Variants in POLR3B observed in about 807,000 individuals in gnomAD.
The protein encoded by POLR3B is RNA polymerase III subunit B.
A neutral mutation model predicts 147.4 loss-of-function variants in POLR3B; 96 were observed. The observed-to-expected ratio is 0.65, with a 90% CI of 0.55 to 0.77. The LOEUF (loss-of-function observed/expected upper bound fraction) is 0.77, where lower values mean the gene tolerates loss of function less well. Ranked by LOEUF, POLR3B falls within the 30% of genes least tolerant of loss-of-function variation. The pLI is 0.00. For synonymous variants in POLR3B, 461 were observed against 485.9 expected, an observed-to-expected ratio of 0.95 and a Z score of 0.67; for missense variants, 1,036 against 1,413.5, an observed-to-expected ratio of 0.73 and a Z score of 4.28.
chr12:106,450,737 T>C (rs2037784440), intron 19 of POLR3B, among the ~76,000 whole-genome samples: 1 of 152,170 alleles, frequency 6.6e-6, no homozygotes, highest in African/African-American at 2.4e-5. Context: ...GCTCATATAC[T>C]GCTGGTGGAA....
At chr12:106,390,329 A>G (rs1396355568) in intron 9 of POLR3B, among the ~76,000 whole-genome samples, 1 of 151,728 alleles carries the variant, frequency 6.6e-6, no homozygotes, top group Non-Finnish European at 1.5e-5. Context: ...ATTAGGGAAA[A>G]TTAACCTGTA....
intron 9 of POLR3B, among the ~76,000 whole-genome samples, chr12:106,382,881 TTGAC>T (rs1272586405): frequency 1.3e-5 from 2 of 152,230 alleles, no homozygotes; most frequent in Non-Finnish European, 2.9e-5. Flanking sequence ...AAGCCAGGCA[TTGAC>T]TTCTCCAGCT....
chr12:106,440,266 A>C (rs2037632538), intron 18 of POLR3B, among the ~76,000 whole-genome samples: 1 of 151,850 alleles, frequency 6.6e-6, no homozygotes, highest in Admixed American at 6.6e-5. Context: ...CTTTTTCACT[A>C]CCTCAATCCA....
intron 9 of POLR3B, among the ~76,000 whole-genome samples, chr12:106,386,175 A>G (rs1423438411): frequency 6.6e-6 from 1 of 152,020 alleles, no homozygotes; most frequent in African/African-American, 2.4e-5. Context: ...GTGAGAAGCC[A>G]TCTCTGCTAA....
chr12:106,464,263 CACTG>C (rs1208954752), intron 23 of POLR3B, among the ~76,000 whole-genome samples: 1 of 152,166 alleles, frequency 6.6e-6, no homozygotes, highest in Non-Finnish European at 1.5e-5. Flanking sequence ...AAGAAACACG[CACTG>C]TATCACTGTT....
chr12:106,378,736 A>T (rs541352147), intron 8 of POLR3B, among the ~76,000 whole-genome samples: 5 of 152,096 alleles, frequency 3.3e-5, no homozygotes, highest in Non-Finnish European at 5.9e-5. Context: ...TACCATTTAC[A>T]TGTGTATTCC....
At chr12:106,432,682 A>G (rs1319562022) in intron 15 of POLR3B, among the ~76,000 whole-genome samples, 2 of 152,228 alleles carry the variant, frequency 1.3e-5, no homozygotes, top group African/African-American at 2.4e-5. Context: ...GGATATAGCT[A>G]TCAGAGCTAA....
At chr12:106,398,484 A>G (rs1259679679) in intron 10 of POLR3B, among the ~76,000 whole-genome samples, 3 of 152,202 alleles carry the variant, frequency 2.0e-5, no homozygotes, top group African/African-American at 7.2e-5. Context: ...TGAAGAGAGT[A>G]GTGGTTCTCC....
intron 1 of POLR3B, among the ~76,000 whole-genome samples, chr12:106,359,553 A>T (rs548502048): frequency 1.2e-4 from 18 of 151,970 alleles, no homozygotes; most frequent in Non-Finnish European, 2.6e-4. Context: ...GCTGGTCTCG[A>T]ACTCCTGACC....
At chr12:106,438,436 GATATATCC>G (rs1051017656) in intron 18 of POLR3B, among the ~76,000 whole-genome samples, 11 of 151,274 alleles carry the variant, frequency 7.3e-5, no homozygotes, top group Middle Eastern at 3.5e-3. Context: ...CTCATAGAAA[GATATATCC>G]ATATATCCAT....
chr12:106,390,980 T>TA (rs1167161199), intron 9 of POLR3B, among the ~76,000 whole-genome samples: 2 of 152,166 alleles, frequency 1.3e-5, no homozygotes, highest in East Asian at 3.9e-4. Context: ...CCTGAGGCTG[T>TA]AGAGCACTAT....
intron 25 of POLR3B, among the ~76,000 whole-genome samples, chr12:106,498,738 AC>A: frequency 6.6e-6 from 1 of 152,232 alleles, no homozygotes; most frequent in Middle Eastern, 3.4e-3. Context: ...GGCACAGACC[AC>A]CATGCCCAGC....
intron 21 of POLR3B, among the ~76,000 whole-genome samples, chr12:106,457,584 A>G (rs1308058252): frequency 6.6e-6 from 1 of 152,238 alleles, no homozygotes; most frequent in Non-Finnish European, 1.5e-5. Flanking sequence ...ATGTCCCTGC[A>G]TCTGCACTGG....
rs751923322 is a variant in POLR3B at position 106,357,970 on chromosome 12, G to A, written c.72+19G>A. ...TGTAGAGGTCAGTGCCAGGCACGCA[G>A]GGAGCGTCAGGGACAAGGATGCGCC... On this transcript the variant is annotated intron_variant, in intron 1 of 27. Coordinates refer to ENST00000228347, the MANE Select transcript of POLR3B (RefSeq NM_018082.6). 4.3e-6 allele frequency: 7 copies of A among 1,610,640 alleles called. No individual in the cohort carries two copies. Among genetic ancestry groups the A allele is most frequent in the Non-Finnish European group, 5.9e-6 (7 of 1,179,734 alleles).
intron 6 of POLR3B, among the ~76,000 whole-genome samples, chr12:106,371,003 C>A (rs2036599448): frequency 6.6e-6 from 1 of 151,952 alleles, no homozygotes; most frequent in Non-Finnish European, 1.5e-5. Flanking sequence ...AAATTTTGGA[C>A]CATAGCTAAA....
At chr12:106,445,875 T>C (rs1483083416) in intron 19 of POLR3B, among the ~76,000 whole-genome samples, 1 of 152,210 alleles carries the variant, frequency 6.6e-6, no homozygotes, top group African/African-American at 2.4e-5. Flanking sequence ...AGAAACCCTA[T>C]TTCTTCATTA....
intron 7 of POLR3B, among the ~76,000 whole-genome samples, chr12:106,377,230 C>G (rs2036693989): frequency 6.6e-6 from 1 of 152,176 alleles, no homozygotes; most frequent in Non-Finnish European, 1.5e-5. Flanking sequence ...AAATTTCAAA[C>G]TTAGAACTTA....
intron 23 of POLR3B, among the ~76,000 whole-genome samples, chr12:106,469,658 G>C (rs1239901189): frequency 1.3e-5 from 2 of 152,212 alleles, no homozygotes; most frequent in Non-Finnish European, 1.5e-5. Context: ...GTGACAAAAT[G>C]TCTCAGCATT....
intron 1 of POLR3B, chr12:106,358,300 G>A (rs2036418487): frequency 8.2e-7 from 1 of 1,213,784 alleles, no homozygotes; most frequent in Non-Finnish European, 1.0e-6. Context: ...GAGGACACGG[G>A]GCCAGGGAGC....
Sources: gnomAD v4.1 joint callset for allele counts (sites outside exome capture counted in the v4.1 genomes callset) on GRCh38, gnomAD v4.1.1 for gene constraint, MANE v1.5 for transcripts, NCBI Gene and HGNC (gene_info 2026-07-23, HGNC 2026-07-21) for gene names.